Variants in NCF4 observed in about 807,000 individuals in gnomAD.
NCF4 encodes the protein neutrophil cytosolic factor 4.
A neutral mutation model predicts 41.7 loss-of-function variants in NCF4; 30 were observed. The ratio of observed to expected loss-of-function variants is 0.72; its 90% CI spans 0.54 to 0.97. NCF4 has a LOEUF of 0.97. Among genes scored for constraint, NCF4 ranks in the 50% least tolerant of loss-of-function variants. The pLI, the probability that NCF4 is intolerant of heterozygous loss-of-function variation, is 0.00. For synonymous variants in NCF4, 195 were observed against 175.8 expected, an observed-to-expected ratio of 1.11 and a Z score of -0.87; for missense variants, 432 against 460.9, an observed-to-expected ratio of 0.94 and a Z score of 0.57.
At chr22:36,868,470 T>C (rs947967826) in intron 4 of NCF4, among the ~76,000 whole-genome samples, 1 of 152,120 alleles carries the variant, frequency 6.6e-6, no homozygotes, top group Non-Finnish European at 1.5e-5. Flanking sequence ...TCTTGACTCC[T>C]GATGGAGGGA....
intron 9 of NCF4, 103 bp downstream of exon 9, chr22:36,876,197 CTT>C: frequency 8.4e-7 from 1 of 1,188,420 alleles, no homozygotes; most frequent in South Asian, 1.6e-5. Flanking sequence ...TTTGCGTGTA[CTT>C]TGTCTTCTCT....
chr22:36,864,890 G>A (rs763250574), intron 2 of NCF4, 29 bp from the exon 3 acceptor site: 4 of 1,613,350 alleles, frequency 2.5e-6, no homozygotes, highest in Non-Finnish European at 3.4e-6. Context: ...TGGCCCCTGA[G>A]CCCTCCCCAC....
rs139319252 is a variant in NCF4, at chr22:36,864,090, T to C, written c.78T>C (p.Ile26=). 31 of 1,614,044 alleles carry C rather than the reference T, an allele frequency of 1.9e-5. No individual in the cohort carries two copies. In the African/African-American group the frequency reaches 3.9e-4, roughly 20 times the overall value. ...LPDDVAISAN[I]ADIEEKRGFT... Reference sequence around the variant, plus strand: ...ATGATGTTGCCATCTCGGCCAACATTGCTGACATCGAGGAGAAGAGAGGCT... The same window carrying C: ...ATGATGTTGCCATCTCGGCCAACATCGCTGACATCGAGGAGAAGAGAGGCT... Residue 26 remains isoleucine (I), a synonymous_variant, in exon 2 of 10, where the codon ATT becomes ATC. Transcript: ENST00000248899.
At position 36,870,480 on chromosome 22, in the gene NCF4, G is replaced by A. The variant is rs755052012; in HGVS notation, c.408G>A (p.Ser136=). ...ACGTCCGGATCTTCTTTTACCAGTCGCCCTATGACTCAGAGCAGGTGCCCC... is the reference window on the plus strand; with the variant it reads ...ACGTCCGGATCTTCTTTTACCAGTCACCCTATGACTCAGAGCAGGTGCCCC... ...DEDVRIFFYQ[S]PYDSEQVPQA... Residue 136 remains serine (S), a synonymous_variant, in exon 5 of 10, where the codon TCG becomes TCA. Transcript: ENST00000248899. 2.2e-5 allele frequency: 36 copies of A among 1,613,668 alleles called. No individual in the cohort carries two copies. Among genetic ancestry groups the A allele is most frequent in the Middle Eastern group, 1.6e-4 (1 of 6,084 alleles).
intron 7 of NCF4, 94 bp downstream of exon 7, chr22:36,872,519 A>T: frequency 9.8e-7 from 1 of 1,017,598 alleles, no homozygotes; most frequent in Non-Finnish European, 1.5e-6. Context: ...GTGCAATTGG[A>T]GGTGAGGATG....
intron 9 of NCF4, among the ~76,000 whole-genome samples, chr22:36,876,788 T>C (rs2145728661): frequency 6.6e-6 from 1 of 152,374 alleles, no homozygotes; most frequent in Non-Finnish European, 1.5e-5. Flanking sequence ...ATGACTTATC[T>C]GATCATTTCC....
Position 36,877,711 on chromosome 22 carries a change from T to G in NCF4, c.908T>G (p.Val303Gly), listed in dbSNP as rs762012398. 11 of 1,614,144 alleles carry G rather than the reference T, an allele frequency of 6.8e-6. No individual in the cohort carries two copies. The South Asian group carries it at 1.2e-4, about 18-fold the overall frequency. Residue 303 changes from valine to glycine, a missense_variant, in exon 10 of 10, where the codon GTA becomes GGA. By Grantham distance (109) the Val-to-Gly change is moderately radical (BLOSUM62 -3). Coordinates refer to ENST00000248899, the MANE Select transcript of NCF4 (RefSeq NM_000631.5). ...GTTCGGCTGCTGTCGGATGAGGACGTAGCGCTCATGGTGCGGCAGGCTCGT... is the reference window on the plus strand; with the variant it reads ...GTTCGGCTGCTGTCGGATGAGGACGGAGCGCTCATGGTGCGGCAGGCTCGT... ...DLVRLLSDEDVALMVRQARGL... is the reference protein window; with the variant it reads ...DLVRLLSDEDGALMVRQARGL...
intron 7 of NCF4, among the ~76,000 whole-genome samples, chr22:36,873,153 T>G: frequency 6.9e-6 from 1 of 145,456 alleles, no homozygotes; most frequent in Non-Finnish European, 1.5e-5. Context: ...GAGGTGAAGA[T>G]AGAAATGAGA....
chr22:36,863,392 C>T (rs929879589), intron 1 of NCF4, among the ~76,000 whole-genome samples: 3 of 151,622 alleles, frequency 2.0e-5, no homozygotes, highest in African/African-American at 7.3e-5. Flanking sequence ...TCTTCTTGTC[C>T]CCAGTGCTGC....
At chr22:36,876,670 G>T (rs1292619154) in intron 9 of NCF4, among the ~76,000 whole-genome samples, 1 of 152,136 alleles carries the variant, frequency 6.6e-6, no homozygotes, top group Non-Finnish European at 1.5e-5. Flanking sequence ...ACCTTTCAGT[G>T]GCTACATCAT....
At chr22:36,874,419 C>T (rs1448924941) in intron 7 of NCF4, among the ~76,000 whole-genome samples, 1 of 152,152 alleles carries the variant, frequency 6.6e-6, no homozygotes, top group South Asian at 2.1e-4. Context: ...GCGTCCAGGC[C>T]CTGGAGAGGA....
In NCF4 at chr22:36,865,502, C is replaced by T. The variant is rs1939906228; in HGVS notation, c.271+430C>T. Among the ~76,000 whole-genome samples the T allele has an allele frequency of 6.6e-6, 1 of 152,172 alleles. No homozygotes were observed. On this transcript the variant is annotated intron_variant, in intron 3 of 9. Coordinates refer to ENST00000248899, the MANE Select transcript of NCF4 (RefSeq NM_000631.5). This position sits in a 1 kb window ranked among gnomAD's most constrained non-coding sequence, Gnocchi z 4.3. ...TTCATGGTCTTGGCTTCCAGCGTCC[C>T]TGTGGCTCTCCTTCTTCTCCTGTCC...
At chr22:36,876,678 CATT>C (rs1019338866) in intron 9 of NCF4, among the ~76,000 whole-genome samples, 1 of 152,190 alleles carries the variant, frequency 6.6e-6, no homozygotes, top group Non-Finnish European at 1.5e-5. Flanking sequence ...GTGGCTACAT[CATT>C]AACATGGCCA....
Position 36,874,625 on chromosome 22 carries a change from C to A in NCF4, c.628-1028C>A, listed in dbSNP as rs540294185. ...ATCAGTATGCTGGCTAACTTCTGGC[C>A]TCAGGTTGAAGGTGGGGGCAGAGGG... On this transcript the variant is annotated intron_variant, in intron 7 of 9. Transcript: ENST00000248899. Among the ~76,000 whole-genome samples the A allele has an allele frequency of 9.2e-5, 14 of 152,280 alleles. No homozygotes were observed. The South Asian group carries it at 2.9e-3, about 32-fold the overall frequency.
At chr22:36,877,325 C>T (rs149100663) in intron 9 of NCF4, among the ~76,000 whole-genome samples, 1 of 152,216 alleles carries the variant, frequency 6.6e-6, no homozygotes, top group African/African-American at 2.4e-5. Flanking sequence ...TTAGTAGAGA[C>T]AGGGTTTCAC....
intron 5 of NCF4, among the ~76,000 whole-genome samples, chr22:36,870,786 G>C (rs953295136): frequency 3.3e-5 from 5 of 152,310 alleles, no homozygotes; most frequent in Non-Finnish European, 7.4e-5. Flanking sequence ...TGACTCCAGA[G>C]AGTTTGGTGC....
chr22:36,875,636 C>T lies in NCF4; in HGVS notation c.628-17C>T, dbSNP rs1442767344. 1.7e-5 allele frequency: 28 copies of T among 1,609,420 alleles called. No individual in the cohort carries two copies. Among genetic ancestry groups the T allele is most frequent in the Non-Finnish European group, 2.4e-5 (28 of 1,179,424 alleles). On this transcript the variant is annotated splice_polypyrimidine_tract_variant and intron_variant, in intron 7 of 9. Coordinates refer to ENST00000248899, the MANE Select transcript of NCF4 (RefSeq NM_000631.5). Reference sequence around the variant, plus strand: ...CTCTCCTCTCACCAGCATGGCATCCCTTCTCTTCCTCTGCAGGGCACTGTC... The same window carrying T: ...CTCTCCTCTCACCAGCATGGCATCCTTTCTCTTCCTCTGCAGGGCACTGTC...
At chr22:36,869,272 G>A (rs34756754) in intron 4 of NCF4, among the ~76,000 whole-genome samples, 2,766 of 152,250 alleles carry the variant, frequency 0.018, 38 homozygotes, top group South Asian at 0.043. Context: ...CCTGGTATAT[G>A]CCTGGTGTTG....
intron 5 of NCF4, among the ~76,000 whole-genome samples, chr22:36,871,081 A>C (rs930770535): frequency 1.3e-5 from 2 of 152,178 alleles, no homozygotes; most frequent in Non-Finnish European, 2.9e-5. Context: ...TGCTGCTACT[A>C]AGAATTCTGG....
Sources: allele counts gnomAD v4.1 joint callset (sites outside exome capture counted in the v4.1 genomes callset), GRCh38; gene constraint gnomAD v4.1.1; non-coding constraint Gnocchi (gnomAD v3.1); transcripts MANE v1.5; gene names NCBI Gene and HGNC (gene_info 2026-07-23, HGNC 2026-07-21).